Variants in TTL observed in about 807,000 individuals in gnomAD.
TTL encodes the protein tubulin tyrosine ligase.
TTL carries 10 observed loss-of-function variants against 41.1 expected under a neutral mutation model. The observed-to-expected ratio is 0.24, with a 90% CI of 0.15 to 0.41. The LOEUF is 0.41. Ranked by LOEUF, TTL falls within the 10% of genes least tolerant of loss-of-function variation. TTL has a pLI of 1.00. For missense variants in TTL, 367 were observed against 460.4 expected (o/e 0.80, Z 1.86); for synonymous variants, 175 against 175.5 (o/e 1.00, Z 0.02).
Position 112,501,264 on chromosome 2 carries a change from G to C in TTL, c.528G>C (p.Gln176His). 1 of 1,613,774 alleles carries C rather than the reference G, an allele frequency of 6.2e-7. No individual in the cohort carries two copies. The highest frequency in any genetic ancestry group is 8.5e-7 in the Non-Finnish European group (1 of 1,179,830). Reference protein sequence around the residue: ...ASELLDFIDNQGQVHVIQKYL... With the variant: ...ASELLDFIDNHGQVHVIQKYL... ...AGCTTCTCGATTTCATAGACAACCA[G>C]GGCCAAGTGCACGTGATCCAGAAAT... Residue 176 changes from glutamine (Q) to histidine (H), a missense_variant, in exon 4 of 7, where the codon CAG becomes CAC. Gln to His is a conservative substitution (Grantham distance 24). Coordinates refer to ENST00000233336, the MANE Select transcript of TTL (RefSeq NM_153712.5).
intron 2 of TTL, among the ~76,000 whole-genome samples, chr2:112,487,891 C>T (rs565890396): frequency 1.3e-5 from 2 of 152,298 alleles, no homozygotes; most frequent in South Asian, 2.1e-4. Context: ...TGAAAGGGCT[C>T]CAGAGAGTTA....
At chr2:112,511,636 C>G (rs573771606) in intron 5 of TTL, among the ~76,000 whole-genome samples, 1 of 152,102 alleles carries the variant, frequency 6.6e-6, no homozygotes, top group South Asian at 2.1e-4. Flanking sequence ...ATGATCTTGG[C>G]AAACTGCAAC....
chr2:112,515,774 C>T (rs921904839), intron 5 of TTL, among the ~76,000 whole-genome samples: 2 of 152,024 alleles, frequency 1.3e-5, no homozygotes, highest in African/African-American at 2.4e-5. Context: ...GGTGAAACCT[C>T]GTCTCTACTA....
At chr2:112,528,073 G>A (rs1258235121) in intron 6 of TTL, among the ~76,000 whole-genome samples, 5 of 152,094 alleles carry the variant, frequency 3.3e-5, no homozygotes, top group Admixed American at 3.3e-4. Context: ...TACTTTTGAA[G>A]CTTAGTTTGG....
At chr2:112,499,981 A>G (rs1179786129) in intron 3 of TTL, among the ~76,000 whole-genome samples, 3 of 152,246 alleles carry the variant, frequency 2.0e-5, no homozygotes, top group Non-Finnish European at 4.4e-5. Context: ...AACCAATGCA[A>G]ACGTCCATCA....
chr2:112,487,637 C>T (rs964378637), intron 2 of TTL, among the ~76,000 whole-genome samples: 4 of 152,246 alleles, frequency 2.6e-5, no homozygotes, highest in South Asian at 2.1e-4. Flanking sequence ...TCAGAATCCC[C>T]GTGTCTCATC....
chr2:112,500,043 T>C (rs1681648790), intron 3 of TTL, among the ~76,000 whole-genome samples: 1 of 152,222 alleles, frequency 6.6e-6, no homozygotes, highest in Non-Finnish European at 1.5e-5. Flanking sequence ...GGAGTGAACA[T>C]GATACTAATA....
chr2:112,512,697 C>A (rs1218313278), intron 5 of TTL, among the ~76,000 whole-genome samples: 2 of 152,166 alleles, frequency 1.3e-5, no homozygotes, highest in Admixed American at 6.5e-5. Context: ...TCGCCCGGCC[C>A]TGTATTTTAA....
rs1270561154 is a variant in TTL, at chr2:112,520,210, C to G, written c.876-72C>G. On this transcript the variant is annotated intron_variant, in intron 5 of 6. Transcript: ENST00000233336. Reference sequence around the variant, plus strand: ...TGTATTCATCTCATATAAAATCTTTCAAGCACACCTCATGTCTTCCTTCTC... The same window carrying G: ...TGTATTCATCTCATATAAAATCTTTGAAGCACACCTCATGTCTTCCTTCTC... The G allele has an allele frequency of 5.3e-6, 8 of 1,520,928 alleles. No individual in the cohort carries two copies. In the South Asian group the frequency reaches 9.1e-5, roughly 17 times the overall value. 94.2% of individuals were successfully genotyped at this position (1,520,928 alleles called of 1,614,324 possible).
intron 5 of TTL, among the ~76,000 whole-genome samples, chr2:112,510,926 C>T (rs976624866): frequency 6.6e-6 from 1 of 152,114 alleles, no homozygotes; most frequent in African/African-American, 2.4e-5. Flanking sequence ...TTAAAAGTTG[C>T]TAAGGTTTGT....
At chr2:112,486,066 T>C in intron 2 of TTL, 71 bp downstream of exon 2, 1 of 1,447,136 alleles carries the variant, frequency 6.9e-7, no homozygotes, top group Non-Finnish European at 9.7e-7. Context: ...TGGGGTTGTT[T>C]AAAGGACAAA....
At chr2:112,486,075 A>G (rs2104445571) in intron 2 of TTL, 80 bp downstream of exon 2, 2 of 1,385,292 alleles carry the variant, frequency 1.4e-6, no homozygotes, top group South Asian at 1.2e-5. Context: ...TTAAAGGACA[A>G]ACATACTTTT....
In TTL at chr2:112,539,287, C is replaced by T. The variant is rs1054842568; in HGVS notation, c.*10492C>T. 1.3e-5 allele frequency: 2 copies of T among 152,008 alleles called. No homozygotes were observed. Among genetic ancestry groups the T allele is most frequent in the South Asian group, 4.2e-4 (2 of 4,816 alleles). The allele number at this position is 152,008 out of a possible 1,614,324, so 9.4% of individuals were successfully genotyped here. A position where few individuals can be genotyped will look rare whatever the true frequency, so the allele number is the denominator to read the frequency against. On this transcript the variant is annotated 3_prime_UTR_variant, in exon 7 of 7. Transcript: ENST00000233336. ...AGCATCACCCAATATACCTTTGTAA[C>T]AAATTCGCACATGTACCCCCCTGAT...
chr2:112,521,921 G>A (rs1682244361), intron 6 of TTL, among the ~76,000 whole-genome samples: 1 of 152,194 alleles, frequency 6.6e-6, no homozygotes, highest in Non-Finnish European at 1.5e-5. Flanking sequence ...TGGGCTAAGG[G>A]CGGAATAAGG....
chr2:112,519,026 A>G (rs1181929103), intron 5 of TTL, among the ~76,000 whole-genome samples: 1 of 152,130 alleles, frequency 6.6e-6, no homozygotes, highest in Non-Finnish European at 1.5e-5. Context: ...AAGGACAGTT[A>G]TCTCTGGTAC....
chr2:112,513,842 T>G (rs1681995037), intron 5 of TTL, among the ~76,000 whole-genome samples: 1 of 152,024 alleles, frequency 6.6e-6, no homozygotes, highest in African/African-American at 2.4e-5. Context: ...CAATTCAAAA[T>G]AGTGGTTATT....
At chr2:112,522,724 C>A (rs560642133) in intron 6 of TTL, among the ~76,000 whole-genome samples, 12 of 152,172 alleles carry the variant, frequency 7.9e-5, no homozygotes, top group Admixed American at 6.6e-4. Context: ...CCTGCTCCCC[C>A]CAGAGACTAA....
rs1681128964 is a variant in TTL, at chr2:112,482,822, G to A, written c.157+321G>A. On this transcript the variant is annotated intron_variant, in intron 1 of 6. Coordinates refer to ENST00000233336, the MANE Select transcript of TTL (RefSeq NM_153712.5). The surrounding 1 kb of genome is among the most constrained non-coding windows in gnomAD (Gnocchi z 5.3). ...GAGGCGCGAGTCTAGCGGCTCCCCCGGGCCGAAGCCCCCAGATTTGGCGGG... is the reference window on the plus strand; with the variant it reads ...GAGGCGCGAGTCTAGCGGCTCCCCCAGGCCGAAGCCCCCAGATTTGGCGGG... Among the ~76,000 whole-genome samples, 1 of 151,656 alleles carries A rather than the reference G, an allele frequency of 6.6e-6. No homozygotes were observed. The highest frequency in any genetic ancestry group is 1.5e-5 in the Non-Finnish European group (1 of 67,948).
rs111658711 is a variant in TTL, at chr2:112,493,897, A to G, written c.237-246A>G. 4.8e-4 allele frequency among the ~76,000 whole-genome samples: 73 copies of G among 152,356 alleles called. 1 individual carries two copies. The highest frequency in any genetic ancestry group is 1.7e-3 in the African/African-American group (71 of 41,584). On this transcript the variant is annotated intron_variant, in intron 2 of 6. Transcript: ENST00000233336. ...ATTAGAGATGCATTTTAAAAGGAGC[A>G]TAAGTGTTGGACATTAAGCCTTTTG... is the stretch of plus-strand genomic sequence containing the variant.
Sources: allele counts gnomAD v4.1 joint callset (sites outside exome capture counted in the v4.1 genomes callset), GRCh38; gene constraint gnomAD v4.1.1; non-coding constraint Gnocchi (gnomAD v3.1); transcripts MANE v1.5; gene names NCBI Gene and HGNC (gene_info 2026-07-23, HGNC 2026-07-21).